Variants in TENM1 observed in about 807,000 individuals in gnomAD.
TENM1 encodes teneurin-1.
A neutral mutation model predicts 174.8 loss-of-function variants in TENM1; 35 were observed. The ratio of observed to expected loss-of-function variants is 0.20; its 90% CI spans 0.15 to 0.27. The LOEUF (loss-of-function observed/expected upper bound fraction) is 0.27, where lower values mean the gene tolerates loss of function less well. Among genes scored for constraint, TENM1 ranks in the 10% least tolerant of loss-of-function variants. The pLI, the probability that TENM1 is intolerant of heterozygous loss-of-function variation, is 1.00. For synonymous variants in TENM1, 781 were observed against 798.7 expected (o/e 0.98, Z 0.37); for missense variants, 1,633 against 2,130.1 (o/e 0.77, Z 4.59).
the TENM1 span, among the ~76,000 whole-genome samples, chrX:125,186,420 C>T: frequency 5.4e-5 from 6 of 110,763 alleles, no homozygotes; most frequent in African/African-American, 2.0e-4. Flanking sequence ...TTGGTTTCGC[C>T]CTGCCACAAG....
chrX:125,116,543 A>C, the TENM1 span, among the ~76,000 whole-genome samples: 20 of 112,577 alleles, frequency 1.8e-4, no homozygotes, highest in Admixed American at 1.2e-3. Context: ...ACAAGTAAAA[A>C]ACAAACATCC....
chrX:124,798,697 A>G (rs2055367514), intron 3 of TENM1, among the ~76,000 whole-genome samples: 1 of 111,463 alleles, frequency 9.0e-6, no homozygotes, highest in African/African-American at 3.3e-5. Context: ...GTTTAATTAG[A>G]TCCCATTTGT....
At chrX:125,057,467 AAG>A in the TENM1 span, among the ~76,000 whole-genome samples, 2 of 111,159 alleles carry the variant, frequency 1.8e-5, no homozygotes, top group Admixed American at 1.9e-4. Context: ...AGGAAAGAGA[AAG>A]AGAGAGGGGA....
In TENM1 at chrX:124,529,929, C is replaced by T. The variant is rs758190055; in HGVS notation, c.2706G>A (p.Val902=). The T allele has an allele frequency of 2.7e-5, 33 of 1,210,689 alleles. No homozygotes were observed. In the South Asian group the frequency reaches 4.6e-4, roughly 17 times the overall value. The change falls in exon 16 of 32, where the codon GTG becomes GTA. Residue 902 remains valine, a synonymous_variant. Transcript: ENST00000422452. ...GGTGCAAGAAACTGACATTCACTCC[C>T]ACTAGAGGAGTTCCATCTATGGCCA...
chrX:124,410,198 C>A (rs1025559012), intron 25 of TENM1, among the ~76,000 whole-genome samples: 18 of 111,131 alleles, frequency 1.6e-4, no homozygotes, highest in Non-Finnish European at 1.9e-4. Context: ...CAGAACAGAG[C>A]CCTCAGAAAT....
the TENM1 span, among the ~76,000 whole-genome samples, chrX:125,035,554 G>A: frequency 9.0e-6 from 1 of 110,555 alleles, no homozygotes; most frequent in Non-Finnish European, 1.9e-5. Flanking sequence ...ACTTGTTGGG[G>A]GTATATGCAG....
chrX:124,851,785 TTAAG>T (rs2056723952), intron 3 of TENM1, among the ~76,000 whole-genome samples: 1 of 111,604 alleles, frequency 9.0e-6, no homozygotes, highest in African/African-American at 3.2e-5. Flanking sequence ...ATTTACTCTT[TTAAG>T]TAAGTGTGCT....
chrX:124,405,953 C>G (rs1458748536), intron 26 of TENM1, among the ~76,000 whole-genome samples: 1 of 104,327 alleles, frequency 9.6e-6, no homozygotes, highest in Non-Finnish European at 2.0e-5. Context: ...TTTTTCTTCA[C>G]CCATGTTGGC....
intron 3 of TENM1, among the ~76,000 whole-genome samples, chrX:124,825,562 A>T (rs1387957391): frequency 9.0e-6 from 1 of 111,510 alleles, no homozygotes; most frequent in Non-Finnish European, 1.9e-5. Flanking sequence ...TTAAGTTTTA[A>T]TCCTGTGGGC....
At chrX:125,086,208 T>C in the TENM1 span, among the ~76,000 whole-genome samples, 1 of 111,124 alleles carries the variant, frequency 9.0e-6, no homozygotes, top group East Asian at 2.8e-4. Flanking sequence ...TTTACCACAC[T>C]AGTAATTACT....
At chrX:124,417,029 G>A (rs1189489887) in intron 25 of TENM1, among the ~76,000 whole-genome samples, 1 of 111,424 alleles carries the variant, frequency 9.0e-6, no homozygotes, top group African/African-American at 3.3e-5. Context: ...CTCCAGAACT[G>A]TGAAAAATAA....
At chrX:125,172,997 G>C in the TENM1 span, among the ~76,000 whole-genome samples, 3 of 111,427 alleles carry the variant, frequency 2.7e-5, no homozygotes, top group Non-Finnish European at 5.7e-5. Flanking sequence ...CCACATAGCT[G>C]TAAGCAAGCT....
chrX:124,896,113 A>C, exon 2 of TENM1: 1 of 1,211,431 alleles, frequency 8.3e-7, no homozygotes, highest in Non-Finnish European at 1.1e-6. Flanking sequence ...TGGTCAGGTG[A>C]GGCAGCACCT....
At chrX:124,481,678 C>T (rs1045061558) in intron 22 of TENM1, 54 bp downstream of exon 25, 6 of 288,787 alleles carry the variant, frequency 2.1e-5, no homozygotes, top group Non-Finnish European at 3.3e-5. Context: ...CAAATAAAAT[C>T]TTTAGATGAC....
At chrX:124,608,065 G>A (rs1036942284) in intron 11 of TENM1, among the ~76,000 whole-genome samples, 2 of 111,164 alleles carry the variant, frequency 1.8e-5, no homozygotes, top group African/African-American at 6.5e-5. Flanking sequence ...TGTGTAAATC[G>A]ATTGCTACAG....
At chrX:125,023,510 G>C in the TENM1 span, among the ~76,000 whole-genome samples, 1 of 110,738 alleles carries the variant, frequency 9.0e-6, no homozygotes, top group Non-Finnish European at 1.9e-5. Context: ...ATTCTGGAGA[G>C]AACAAGGACA....
chrX:125,127,390 T>C, the TENM1 span, among the ~76,000 whole-genome samples: 3 of 111,430 alleles, frequency 2.7e-5, no homozygotes, highest in African/African-American at 9.8e-5. Context: ...CTTTGTAATA[T>C]GTTGGCATTT....
intron 1 of TENM1, among the ~76,000 whole-genome samples, chrX:124,936,973 G>A (rs1297478773): frequency 6.4e-5 from 7 of 109,131 alleles, no homozygotes; most frequent in Non-Finnish European, 1.1e-4. Flanking sequence ...TTGACCCAGG[G>A]AGGCGGAGGT....
At chrX:124,815,869 A>C (rs1232068593) in intron 3 of TENM1, among the ~76,000 whole-genome samples, 1 of 111,499 alleles carries the variant, frequency 9.0e-6, no homozygotes, top group East Asian at 2.8e-4. Flanking sequence ...AATAAGGTAA[A>C]ATAGCTGAGA....
Sources: allele counts gnomAD v4.1 joint callset (sites outside exome capture counted in the v4.1 genomes callset), GRCh38; gene constraint gnomAD v4.1.1; transcripts MANE v1.5; gene names NCBI Gene and HGNC (gene_info 2026-07-23, HGNC 2026-07-21).